The following GPM6B variants were observed in gnomAD, a reference collection of about 807,000 sequenced individuals.
The protein encoded by GPM6B is neuronal membrane glycoprotein M6-b.
Under a neutral mutation model 27.2 loss-of-function variants are expected in GPM6B, and 4 were observed. The observed-to-expected ratio is 0.15, with a 90% confidence interval of 0.07 to 0.34. The LOEUF (loss-of-function observed/expected upper bound fraction) is 0.34, where lower values mean the gene tolerates loss of function less well. Among genes scored for constraint, GPM6B ranks in the 10% least tolerant of loss-of-function variants. The probability of loss-of-function intolerance (pLI) is 1.00; values close to 1 mark genes in which losing one functional copy is unlikely to be tolerated. For missense variants in GPM6B, 183 were observed against 261.9 expected, an observed-to-expected ratio of 0.70 and a Z score of 2.08; for synonymous variants, 124 against 103.1, an observed-to-expected ratio of 1.20 and a Z score of -1.23.
chrX:13,922,887 T>G (rs1019539683), intron 1 of GPM6B, among the ~76,000 whole-genome samples: 5 of 111,838 alleles, frequency 4.5e-5, no homozygotes, highest in African/African-American at 1.6e-4. Context: ...CAAACCTAAG[T>G]GTACCTGGCC....
chrX:13,828,135 C>T (rs1475138548), intron 1 of GPM6B, among the ~76,000 whole-genome samples: 2 of 111,731 alleles, frequency 1.8e-5, no homozygotes, highest in African/African-American at 6.5e-5. Flanking sequence ...TTTGTACATG[C>T]TCCTCTGCAA....
At chrX:13,809,501 T>C (rs1256469952) in intron 1 of GPM6B, among the ~76,000 whole-genome samples, 2 of 111,157 alleles carry the variant, frequency 1.8e-5, no homozygotes, top group Non-Finnish European at 3.8e-5. Flanking sequence ...GTGGGCTGGG[T>C]GCGGTGGCTC....
At chrX:13,777,604 T>C (rs764197723) in intron 5 of GPM6B, among the ~76,000 whole-genome samples, 179 bp from the exon 6 acceptor site, 2 of 112,553 alleles carry the variant, frequency 1.8e-5, no homozygotes, top group East Asian at 2.8e-4. Context: ...ATTTGAACAA[T>C]AGGCCAAAAG....
At position 13,853,590 on chromosome X, in the gene GPM6B, C is replaced by CAAAAAAA. The variant is rs66531403; in HGVS notation, c.-197-67789_-197-67783dup. ...TGGGCGACAGGGTGAGACACCACCT[C>CAAAAAAA]AAAAAAAAAAAAAAAAAAAAAAAGG... On this transcript the variant is annotated intron_variant, in intron 1 of 6. Transcript: ENST00000398361. Among the ~76,000 whole-genome samples, 187 of 38,346 alleles carry CAAAAAAA rather than the reference C, an allele frequency of 4.9e-3. 7 individuals carry two copies. Among genetic ancestry groups the CAAAAAAA allele is most frequent in the Admixed American group, 6.5e-3 (15 of 2,306 alleles). The allele number at this position is 38,346 out of a possible 115,157, so 33.3% of individuals were successfully genotyped here.
chrX:13,787,041 C>CCAAAAAAAA (rs2048624998), intron 2 of GPM6B, among the ~76,000 whole-genome samples: 1 of 24,510 alleles, frequency 4.1e-5, no homozygotes, highest in Non-Finnish European at 6.2e-5. Context: ...ATTAAGCCAG[C>CCAAAAAAAA]AAAAAAAAAA....
At chrX:13,798,972 G>C (rs753373736) in intron 2 of GPM6B, among the ~76,000 whole-genome samples, 11 of 111,740 alleles carry the variant, frequency 9.8e-5, no homozygotes, top group Admixed American at 3.8e-4. Context: ...AGGATCACCT[G>C]GTGGGGGAGC....
At chrX:13,813,146 T>C (rs971448605) in intron 1 of GPM6B, among the ~76,000 whole-genome samples, 1 of 111,461 alleles carries the variant, frequency 9.0e-6, no homozygotes, top group Non-Finnish European at 1.9e-5. Context: ...TCGCAGATCA[T>C]CAGGAATAGT....
intron 1 of GPM6B, among the ~76,000 whole-genome samples, chrX:13,863,578 C>T (rs2049876437): frequency 8.9e-6 from 1 of 111,893 alleles, no homozygotes; most frequent in South Asian, 3.7e-4. Flanking sequence ...ACGCTGGCTG[C>T]TTCCCAAGGC....
chrX:13,852,392 T>TA (rs1352491735), intron 1 of GPM6B, among the ~76,000 whole-genome samples: 2 of 111,282 alleles, frequency 1.8e-5, no homozygotes, highest in African/African-American at 6.5e-5. Flanking sequence ...CATTTTCAAT[T>TA]AAAAAAAACT....
chrX:13,898,806 T>G (rs1478309352), intron 1 of GPM6B, among the ~76,000 whole-genome samples: 1 of 111,884 alleles, frequency 8.9e-6, no homozygotes, highest in Admixed American at 9.5e-5. Flanking sequence ...CTTAGCTCTA[T>G]GTGAGTCACC....
At chrX:13,836,113 G>A (rs1386576999) in intron 1 of GPM6B, among the ~76,000 whole-genome samples, 2 of 112,036 alleles carry the variant, frequency 1.8e-5, no homozygotes, top group Non-Finnish European at 3.8e-5. Context: ...TGACCTGCCA[G>A]AGTTTGAATG....
intron 1 of GPM6B, among the ~76,000 whole-genome samples, chrX:13,893,262 C>T (rs772614260): frequency 9.0e-6 from 1 of 111,189 alleles, no homozygotes; most frequent in South Asian, 3.8e-4. Flanking sequence ...TAAACATGGT[C>T]TCAGGGATCT....
At chrX:13,938,499 T>C (rs768583756), upstream of GPM6B, 3 of 949,009 alleles carry the variant, frequency 3.2e-6, no homozygotes, top group Non-Finnish European at 4.0e-6. Context: ...GCCAGCGCGC[T>C]CGCTTACCCA....
intron 1 of GPM6B, among the ~76,000 whole-genome samples, chrX:13,907,628 C>T (rs1409469488): frequency 2.7e-5 from 3 of 111,933 alleles, no homozygotes; most frequent in Non-Finnish European, 5.6e-5. Flanking sequence ...CGAGATCACA[C>T]CATTGTACTC....
intron 1 of GPM6B, among the ~76,000 whole-genome samples, chrX:13,918,348 A>G (rs2050447433): frequency 8.9e-6 from 1 of 112,631 alleles, no homozygotes. Flanking sequence ...ATCACAGCAA[A>G]TAACTACCTT....
At chrX:13,938,278 A>C in intron 1 of GPM6B, 1 of 246,770 alleles carries the variant, frequency 4.1e-6, no homozygotes, top group Non-Finnish European at 6.9e-6. Context: ...GCCTGGCCGC[A>C]GCCGGAGCGG....
intron 1 of GPM6B, among the ~76,000 whole-genome samples, chrX:13,808,986 G>A (rs1172018027): frequency 8.9e-6 from 1 of 112,162 alleles, no homozygotes; most frequent in East Asian, 2.8e-4. Flanking sequence ...AAGATGCTGG[G>A]ATAAGATCAG....
intron 1 of GPM6B, among the ~76,000 whole-genome samples, chrX:13,850,396 G>A (rs2049701170): frequency 8.9e-6 from 1 of 112,453 alleles, no homozygotes; most frequent in Admixed American, 9.4e-5. Flanking sequence ...GCAGATGCTG[G>A]TGCCATGCTT....
chrX:13,888,651 C>T (rs1331729119), intron 1 of GPM6B, among the ~76,000 whole-genome samples: 3 of 111,475 alleles, frequency 2.7e-5, no homozygotes, highest in Non-Finnish European at 5.6e-5. Context: ...TCCTGCAGTC[C>T]CTCGCCACCA....
Sources: allele counts gnomAD v4.1 joint callset (sites outside exome capture counted in the v4.1 genomes callset), GRCh38; gene constraint gnomAD v4.1.1; transcripts MANE v1.5; gene names NCBI Gene and HGNC (gene_info 2026-07-23, HGNC 2026-07-21).